The following FMNL2 variants were observed in gnomAD, a reference collection of about 807,000 sequenced individuals.
FMNL2 encodes the protein formin like 2, also known as formin-like protein 2.
In FMNL2, 51 loss-of-function variants were observed where a neutral mutation model predicts 130.2. The observed-to-expected ratio is 0.39, with a 90% CI of 0.31 to 0.49. The LOEUF (loss-of-function observed/expected upper bound fraction) is 0.49, where lower values mean the gene tolerates loss of function less well. Ranked by LOEUF, FMNL2 falls within the 20% of genes least tolerant of loss-of-function variation. The probability of loss-of-function intolerance (pLI) is 0.85; values close to 1 mark genes in which losing one functional copy is unlikely to be tolerated. For missense variants in FMNL2, 977 were observed against 1,316.2 expected (o/e 0.74, Z 3.99); for synonymous variants, 465 against 467.1 (o/e 1.00, Z 0.06).
In FMNL2 at chr2:152,335,614, C is replaced by T; in HGVS notation, c.11C>T (p.Ala4Val). Residue 4 changes from alanine to valine, a missense_variant, in exon 1 of 26, where the codon GCA becomes GTA. Physicochemically the swap from Ala to Val is moderately conservative, Grantham distance 64. Coordinates refer to ENST00000288670, the MANE Select transcript of FMNL2 (RefSeq NM_052905.4). MGN[A>V]GSMDSQQTDF... ...CGGCGCGCCGCCGACATGGGCAACG[C>T]AGGGAGCATGGATTCGCAGCAGACC... 2 of 1,588,952 alleles carry T rather than the reference C, an allele frequency of 1.3e-6. No individual in the cohort carries two copies. The highest frequency in any genetic ancestry group is 8.6e-7 in the Non-Finnish European group (1 of 1,167,684).
At chr2:152,503,869 G>T (rs767854008) in intron 1 of FMNL2, among the ~76,000 whole-genome samples, 1 of 152,152 alleles carries the variant, frequency 6.6e-6, no homozygotes, top group Non-Finnish European at 1.5e-5. Flanking sequence ...TGCTTCAGGT[G>T]GGGGAACTGT....
At chr2:152,636,120 G>T (rs1393100184) in intron 21 of FMNL2, among the ~76,000 whole-genome samples, 1 of 152,186 alleles carries the variant, frequency 6.6e-6, no homozygotes, top group Non-Finnish European at 1.5e-5. Context: ...GTCCACATTT[G>T]TTACCTGAAC....
intron 1 of FMNL2, among the ~76,000 whole-genome samples, chr2:152,374,776 C>T (rs1312597185): frequency 6.6e-6 from 1 of 152,140 alleles, no homozygotes; most frequent in East Asian, 1.9e-4. Flanking sequence ...GTCTAATGGG[C>T]CTGTGATCCC....
chr2:152,422,765 G>A (rs1417689562), intron 1 of FMNL2, among the ~76,000 whole-genome samples: 1 of 152,150 alleles, frequency 6.6e-6, no homozygotes, highest in Non-Finnish European at 1.5e-5. Context: ...CTGAGCTCAA[G>A]GAATTCACCC....
intron 1 of FMNL2, among the ~76,000 whole-genome samples, chr2:152,504,587 C>A (rs1317988661): frequency 6.6e-6 from 1 of 152,112 alleles, no homozygotes; most frequent in Non-Finnish European, 1.5e-5. Context: ...CTCTCCATAG[C>A]CGCATCTCAT....
intron 23 of FMNL2, among the ~76,000 whole-genome samples, chr2:152,638,775 CTG>C (rs1261791767): frequency 6.6e-6 from 1 of 152,188 alleles, no homozygotes; most frequent in Admixed American, 6.5e-5. Flanking sequence ...CACTGGCTGG[CTG>C]TGTTTATGTG....
intron 1 of FMNL2, among the ~76,000 whole-genome samples, chr2:152,491,807 C>G (rs547284122): frequency 6.6e-6 from 1 of 152,118 alleles, no homozygotes; most frequent in African/African-American, 2.4e-5. Flanking sequence ...AAAAATTAGC[C>G]TGGCGTGGTG....
intron 1 of FMNL2, among the ~76,000 whole-genome samples, chr2:152,503,857 C>T (rs530100412): frequency 1.3e-5 from 2 of 152,286 alleles, no homozygotes; most frequent in Admixed American, 1.3e-4. Flanking sequence ...CATTTCCACC[C>T]TTGCTTCAGG....
rs1558989601 is a variant in FMNL2, at chr2:152,591,022, T to TTTTTTTTTC, written c.876+9975_876+9976insTTTTTTCTT. On this transcript the variant is annotated intron_variant, in intron 9 of 25. Coordinates refer to ENST00000288670, the MANE Select transcript of FMNL2 (RefSeq NM_052905.4). ...TTTTTTTTTTTTTTTTTTTTTTTTT[T>TTTTTTTTTC]TTGAGACAGCATCTCACTCTGTCAC... Among the ~76,000 whole-genome samples, 3 of 99,122 alleles carry TTTTTTTTTC rather than the reference T, an allele frequency of 3.0e-5. 1 individual carries two copies. Among genetic ancestry groups the TTTTTTTTTC allele is most frequent in the Admixed American group, 2.2e-4 (2 of 9,008 alleles). 65.0% of individuals were successfully genotyped at this position (99,122 alleles called of 152,430 possible). A position where few individuals can be genotyped will look rare whatever the true frequency, so the allele number is the denominator to read the frequency against.
intron 17 of FMNL2, 60 bp downstream of exon 17, chr2:152,626,787 T>G (rs1278913584): frequency 2.1e-5 from 31 of 1,483,400 alleles, no homozygotes; most frequent in Non-Finnish European, 2.7e-5. Flanking sequence ...GAGAAAGTTA[T>G]GAATTAGTAG....
At chr2:152,529,257 T>G (rs960418317) in intron 2 of FMNL2, among the ~76,000 whole-genome samples, 1 of 152,114 alleles carries the variant, frequency 6.6e-6, no homozygotes, top group Non-Finnish European at 1.5e-5. Flanking sequence ...GTTTTCCTTA[T>G]AAGTCAAGGA....
At chr2:152,546,694 C>T (rs1161553306) in intron 3 of FMNL2, among the ~76,000 whole-genome samples, 1 of 152,094 alleles carries the variant, frequency 6.6e-6, no homozygotes, top group Non-Finnish European at 1.5e-5. Context: ...GCAGGCAGCC[C>T]GAGACTTAGG....
In FMNL2 at chr2:152,395,302, G is replaced by C. The variant is rs896149284; in HGVS notation, c.117+59582G>C. On this transcript the variant is annotated intron_variant, in intron 1 of 25. Transcript: ENST00000288670. ...CACAAGAGTTAAAGAGATGAGTAGTGCTTAGGATACAGATTACAGAAAGTA... is the reference window on the plus strand; with the variant it reads ...CACAAGAGTTAAAGAGATGAGTAGTCCTTAGGATACAGATTACAGAAAGTA... Among the ~76,000 whole-genome samples the C allele has an allele frequency of 2.0e-5, 3 of 152,334 alleles. No individual in the cohort carries two copies. The South Asian group carries it at 6.2e-4, about 32-fold the overall frequency.
At chr2:152,531,605 A>G (rs1693702494) in intron 2 of FMNL2, among the ~76,000 whole-genome samples, 1 of 151,810 alleles carries the variant, frequency 6.6e-6, no homozygotes, top group Non-Finnish European at 1.5e-5. Context: ...CCTCCCGAGT[A>G]GCTGGGACTA....
intron 2 of FMNL2, among the ~76,000 whole-genome samples, chr2:152,531,789 C>T (rs748458913): frequency 9.9e-5 from 15 of 152,142 alleles, no homozygotes; most frequent in Non-Finnish European, 2.1e-4. Context: ...GGAAGGCATA[C>T]AGTGGGATCA....
At chr2:152,362,909 C>T (rs539886176) in intron 1 of FMNL2, among the ~76,000 whole-genome samples, 3 of 152,116 alleles carry the variant, frequency 2.0e-5, no homozygotes, top group East Asian at 1.9e-4. Context: ...TAGCAAACTA[C>T]GCTATGTCAA....
At chr2:152,358,799 G>A (rs1317688425) in intron 1 of FMNL2, among the ~76,000 whole-genome samples, 1 of 152,220 alleles carries the variant, frequency 6.6e-6, no homozygotes, top group South Asian at 2.1e-4. Flanking sequence ...TACAAGTAAC[G>A]TTACAATCAA....
intron 18 of FMNL2, among the ~76,000 whole-genome samples, 176 bp downstream of exon 18, chr2:152,628,709 T>C (rs558534272): frequency 1.3e-5 from 2 of 152,276 alleles, no homozygotes; most frequent in South Asian, 4.1e-4. Context: ...GCAAAGTAAA[T>C]TTGAAAAATG....
chr2:152,556,751 T>A (rs1001285792), intron 4 of FMNL2, among the ~76,000 whole-genome samples: 1 of 152,162 alleles, frequency 6.6e-6, no homozygotes, highest in African/African-American at 2.4e-5. Flanking sequence ...GTCTGCACTC[T>A]ACAGAGGCTG....
Sources: allele counts gnomAD v4.1 joint callset (sites outside exome capture counted in the v4.1 genomes callset), GRCh38; gene constraint gnomAD v4.1.1; transcripts MANE v1.5; gene names NCBI Gene and HGNC (gene_info 2026-07-23, HGNC 2026-07-21).